Variants in ZNF345 observed in about 807,000 individuals in gnomAD.
ZNF345 encodes the protein zinc finger protein 345.
For synonymous variants in ZNF345, 166 were observed against 187.9 expected, an observed-to-expected ratio of 0.88 and a Z score of 0.95; for missense variants, 527 against 589.9, an observed-to-expected ratio of 0.89 and a Z score of 1.10.
At chr19:36,884,086 A>G (rs2072983478), downstream of ZNF345, among the ~76,000 whole-genome samples, 1 of 152,020 alleles carries the variant, frequency 6.6e-6, no homozygotes, top group African/African-American at 2.4e-5. Context: ...TTTTTTTGAG[A>G]CAGAGTCTTG....
At chr19:36,874,833 A>C (rs1268055742) in intron 2 of ZNF345, among the ~76,000 whole-genome samples, 1 of 152,122 alleles carries the variant, frequency 6.6e-6, no homozygotes, top group East Asian at 1.9e-4. Flanking sequence ...CTTCCTCTTT[A>C]ATTTCCTTTT....
At chr19:36,881,103 A>C, downstream of ZNF345, among the ~76,000 whole-genome samples, 1 of 152,250 alleles carries the variant, frequency 6.6e-6, no homozygotes, top group Non-Finnish European at 1.5e-5. Flanking sequence ...AAATAAAGGT[A>C]TATGAACATG....
In ZNF345 at chr19:36,878,608, T is replaced by C. The variant is rs1426000820; in HGVS notation, c.*311T>C. 2 of 206,756 alleles carry C rather than the reference T, an allele frequency of 9.7e-6. No homozygotes were observed. The highest frequency in any genetic ancestry group is 2.0e-5 in the Non-Finnish European group (2 of 100,626). 12.8% of individuals were successfully genotyped at this position (206,756 alleles called of 1,614,324 possible). A position where few individuals can be genotyped will look rare whatever the true frequency, so the allele number is the denominator to read the frequency against. Reference sequence around the variant, plus strand: ...ACTCATTTCTGGGTTAATCCTACTATATTTTTTCAATGGTCTTTTTTTTTT... The same window carrying C: ...ACTCATTTCTGGGTTAATCCTACTACATTTTTTCAATGGTCTTTTTTTTTT... On this transcript the variant is annotated 3_prime_UTR_variant, in exon 3 of 3. Transcript: ENST00000420450.
intron 2 of ZNF345, among the ~76,000 whole-genome samples, chr19:36,869,079 G>T (rs529944): frequency 0.067 from 10,187 of 152,014 alleles, 931 homozygotes; most frequent in African/African-American, 0.21. Flanking sequence ...GGTACTAGCT[G>T]CCCAGAGTTA....
chr19:36,878,069 T>C lies in ZNF345; in HGVS notation c.1239T>C (p.Leu413=), dbSNP rs745811608. The change falls in exon 3 of 3, where the codon CTT becomes CTC. Residue 413 remains leucine (L), a synonymous_variant. Transcript: ENST00000420450. ...AGTCCTTTAGTAGTGGTTCAGCTCT[T>C]AATCGGCACCAGAGAATACACACTG... ...CGKSFSSGSA[L]NRHQRIHTGE... 5.0e-6 allele frequency: 8 copies of C among 1,613,496 alleles called. No homozygotes were observed. The East Asian group carries it at 1.8e-4, about 36-fold the overall frequency.
intron 3 of ZNF345, chr19:36,889,480 A>G (rs886675161): frequency 6.6e-6 from 1 of 152,144 alleles, no homozygotes; most frequent in African/African-American, 2.4e-5. Context: ...AATACTCAGT[A>G]GTCTGTTGAG....
Position 36,872,915 on chromosome 19 carries a change from C to T in ZNF345, c.-46-3870C>T, listed in dbSNP as rs1990964. Among the ~76,000 whole-genome samples, 804 of 152,180 alleles carry T rather than the reference C, an allele frequency of 5.3e-3. 21 individuals are homozygous for T. Among genetic ancestry groups the T allele is most frequent in the Admixed American group, 0.038 (575 of 15,284 alleles). ...GATCCTGAATCTTTTATCCTATTGA[C>T]GATTTTTAAATGGTGATTTTCAGGT... On this transcript the variant is annotated intron_variant, in intron 2 of 2. Transcript: ENST00000420450.
chr19:36,882,361 A>G (rs895855261), downstream of ZNF345, among the ~76,000 whole-genome samples: 22 of 151,918 alleles, frequency 1.4e-4, no homozygotes, highest in South Asian at 4.6e-3. Context: ...TCCGCCTCCC[A>G]GGTTCAAGTG....
intron 2 of ZNF345, among the ~76,000 whole-genome samples, chr19:36,867,066 A>G (rs2072675276): frequency 6.6e-6 from 1 of 152,198 alleles, no homozygotes; most frequent in African/African-American, 2.4e-5. Flanking sequence ...GTGTTAGCCT[A>G]GATAACCAAA....
chr19:36,886,957 G>GCAGT (rs906573243), intron 3 of ZNF345, among the ~76,000 whole-genome samples: 122 of 142,602 alleles, frequency 8.6e-4, no homozygotes, highest in African/African-American at 2.9e-3. Flanking sequence ...TAGCGCCACT[G>GCAGT]CAGTCCAGCT....
intron 2 of ZNF345, among the ~76,000 whole-genome samples, chr19:36,855,139 C>CTG: frequency 6.8e-6 from 1 of 147,060 alleles, no homozygotes; most frequent in East Asian, 2.2e-4. Flanking sequence ...GCGTGAGCCA[C>CTG]CACGCCCAGC....
chr19:36,858,902 G>A (rs1178173097), intron 2 of ZNF345, among the ~76,000 whole-genome samples: 1 of 152,174 alleles, frequency 6.6e-6, no homozygotes, highest in African/African-American at 2.4e-5. Context: ...AAAAATCAAA[G>A]TCATGTATCA....
chr19:36,890,855 C>CAAAAT (rs1401993088), intron 3 of ZNF345: 5 of 151,772 alleles, frequency 3.3e-5, no homozygotes, highest in Admixed American at 6.6e-5. Context: ...GACTCTGTCT[C>CAAAAT]AAAATAAAAT....
intron 3 of ZNF345, among the ~76,000 whole-genome samples, chr19:36,885,371 T>G (rs1045387426): frequency 2.6e-5 from 4 of 151,830 alleles, no homozygotes; most frequent in Non-Finnish European, 5.9e-5. Context: ...TTTTCCTTAT[T>G]GCTTTGTGTG....
chr19:36,880,140 T>G (rs977100985), downstream of ZNF345, among the ~76,000 whole-genome samples: 3 of 151,762 alleles, frequency 2.0e-5, no homozygotes, highest in Non-Finnish European at 4.4e-5. Context: ...GCCAACATGG[T>G]GAAACCCCAT....
chr19:36,853,768 A>G (rs2072342049), intron 2 of ZNF345, among the ~76,000 whole-genome samples: 1 of 152,116 alleles, frequency 6.6e-6, no homozygotes, highest in Non-Finnish European at 1.5e-5. Flanking sequence ...CCACTGGTCT[A>G]TTTGTCACTC....
At position 36,876,944 on chromosome 19, in the gene ZNF345, G is replaced by A; in HGVS notation, c.114G>A (p.Met38Ile). 1.2e-6 allele frequency: 2 copies of A among 1,614,096 alleles called. No individual in the cohort carries two copies. The highest frequency in any genetic ancestry group is 1.7e-6 in the Non-Finnish European group (2 of 1,179,990). The stretch of plus-strand genomic sequence containing the variant: ...CTCAGGAAGGACATTTCAGTGAAAT[G>A]ATATTTACTCCTGAAGACATGCCCA... ...QGSQEGHFSE[M>I]IFTPEDMPTF... The change falls in exon 3 of 3, where the codon ATG becomes ATA. Residue 38 changes from methionine to isoleucine, a missense_variant. Coordinates refer to ENST00000420450, the MANE Select transcript of ZNF345 (RefSeq NM_001242472.2).
chr19:36,891,533 G>C (rs556562482), intron 3 of ZNF345: 1 of 1,598,290 alleles, frequency 6.3e-7, no homozygotes, highest in African/African-American at 1.3e-5. Flanking sequence ...AGGTCAGAGC[G>C]ACTACCAAAA....
intron 2 of ZNF345, among the ~76,000 whole-genome samples, chr19:36,867,976 C>T (rs1438328781): frequency 6.7e-6 from 1 of 149,428 alleles, no homozygotes; most frequent in Non-Finnish European, 1.5e-5. Context: ...GTACCAATTG[C>T]AGTTCCATAT....
Sources: gnomAD v4.1 joint callset for allele counts (sites outside exome capture counted in the v4.1 genomes callset) on GRCh38, gnomAD v4.1.1 for gene constraint, MANE v1.5 for transcripts, NCBI Gene and HGNC (gene_info 2026-07-23, HGNC 2026-07-21) for gene names.